Variants in NKAIN1 observed in about 807,000 individuals in gnomAD.
NKAIN1 encodes sodium/potassium-transporting ATPase subunit beta-1-interacting protein 1.
A neutral mutation model predicts 31.6 loss-of-function variants in NKAIN1; 13 were observed. That is an observed-to-expected ratio of 0.41 (90% CI 0.27 to 0.65). The LOEUF (loss-of-function observed/expected upper bound fraction) is 0.65. Ranked by LOEUF, NKAIN1 falls within the 30% of genes least tolerant of loss-of-function variation. The pLI, the probability that NKAIN1 is intolerant of heterozygous loss-of-function variation, is 0.30. For synonymous variants in NKAIN1, 104 were observed against 109.0 expected (o/e 0.95, Z 0.28); for missense variants, 193 against 262.2 (o/e 0.74, Z 1.82).
intron 1 of NKAIN1, among the ~76,000 whole-genome samples, chr1:31,212,656 T>C (rs1645479589): frequency 6.6e-6 from 1 of 151,486 alleles, no homozygotes; most frequent in East Asian, 2.0e-4. Flanking sequence ...CTGCCTGCCT[T>C]GGCCTCCCGA....
intron 2 of NKAIN1, 26 bp from the exon 3 acceptor site, chr1:31,185,353 G>A: frequency 1.9e-6 from 3 of 1,580,398 alleles, no homozygotes; most frequent in Non-Finnish European, 2.6e-6. Context: ...GTGGGATCAG[G>A]GTGGGGCCTG....
chr1:31,227,027 G>A (rs1645613483), intron 1 of NKAIN1, among the ~76,000 whole-genome samples: 1 of 152,136 alleles, frequency 6.6e-6, no homozygotes, highest in African/African-American at 2.4e-5. Context: ...ATTTCACCAT[G>A]TTGGCCAGGC....
rs1645187682 is a variant in NKAIN1 at position 31,180,310 on chromosome 1, A to G, written c.*1393T>C. The G allele has an allele frequency of 6.6e-6, 1 of 152,212 alleles. No individual in the cohort carries two copies. The highest frequency in any genetic ancestry group is 2.4e-5 in the African/African-American group (1 of 41,434). The allele number at this position is 152,212 out of a possible 1,614,324, so 9.4% of individuals were successfully genotyped here. A position where few individuals can be genotyped will look rare whatever the true frequency, so the allele number is the denominator to read the frequency against. Reference sequence around the variant, plus strand: ...TTCACAGATGAAATGCTGAGACCTGATCCTCTCTCTATGGACGCACCAGGC... The same window carrying G: ...TTCACAGATGAAATGCTGAGACCTGGTCCTCTCTCTATGGACGCACCAGGC... On this transcript the variant is annotated 3_prime_UTR_variant, in exon 7 of 7. Transcript: ENST00000373736.
chr1:31,209,181 C>T (rs1645447558), intron 1 of NKAIN1, among the ~76,000 whole-genome samples: 1 of 152,196 alleles, frequency 6.6e-6, no homozygotes, highest in African/African-American at 2.4e-5. Flanking sequence ...TCGTGACCAG[C>T]CTGACCAACA....
At chr1:31,221,655 C>T (rs1004260868) in intron 1 of NKAIN1, among the ~76,000 whole-genome samples, 4 of 152,028 alleles carry the variant, frequency 2.6e-5, no homozygotes, top group Non-Finnish European at 4.4e-5. Context: ...AAGATGGTCT[C>T]GATCTCTTGA....
intron 1 of NKAIN1, among the ~76,000 whole-genome samples, chr1:31,195,020 C>T (rs912864433): frequency 2.0e-5 from 3 of 151,800 alleles, no homozygotes; most frequent in Non-Finnish European, 4.4e-5. Context: ...AGCCACCCGC[C>T]GCAGCCTCCC....
chr1:31,208,656 GAT>G (rs2148358312), intron 1 of NKAIN1, among the ~76,000 whole-genome samples: 1 of 151,662 alleles, frequency 6.6e-6, no homozygotes, highest in African/African-American at 2.4e-5. Context: ...GGAAACCTCT[GAT>G]GTAAGTGCAC....
intron 1 of NKAIN1, among the ~76,000 whole-genome samples, chr1:31,216,292 C>T (rs1269115782): frequency 6.6e-6 from 1 of 152,068 alleles, no homozygotes; most frequent in Non-Finnish European, 1.5e-5. Flanking sequence ...GTTCTCACGG[C>T]CTAGTCTGAA....
At chr1:31,198,659 T>C (rs1401648752) in intron 1 of NKAIN1, among the ~76,000 whole-genome samples, 1 of 152,108 alleles carries the variant, frequency 6.6e-6, no homozygotes. Flanking sequence ...CTGGCCCTTC[T>C]GCTCTCCAGA....
At chr1:31,214,817 C>T (rs971062926) in intron 1 of NKAIN1, among the ~76,000 whole-genome samples, 15 of 152,172 alleles carry the variant, frequency 9.9e-5, no homozygotes, top group Admixed American at 5.9e-4. Context: ...CTGGAGAGGA[C>T]CCAGGTGGCT....
At chr1:31,232,080 A>AC (rs1645654005) in intron 1 of NKAIN1, among the ~76,000 whole-genome samples, 1 of 116,404 alleles carries the variant, frequency 8.6e-6, no homozygotes, top group Non-Finnish European at 1.8e-5. Context: ...TGCCCAGCTA[A>AC]GTTTTTACCT....
In NKAIN1 at chr1:31,237,401, C is replaced by T. The variant is rs190425472; in HGVS notation, c.54+2093G>A. ...AGTACCTGACACTTAGTCAAGGGCTCTCCAAAGCTAACCGTTATTATCGCC... is the reference window on the plus strand; with the variant it reads ...AGTACCTGACACTTAGTCAAGGGCTTTCCAAAGCTAACCGTTATTATCGCC... On this transcript the variant is annotated intron_variant, in intron 1 of 6. Transcript: ENST00000373736. Among the ~76,000 whole-genome samples the T allele has an allele frequency of 9.2e-5, 14 of 152,248 alleles. No individual in the cohort carries two copies. The East Asian group carries it at 1.4e-3, about 15-fold the overall frequency.
chr1:31,223,264 T>G (rs1424988275), intron 1 of NKAIN1, among the ~76,000 whole-genome samples: 2 of 150,170 alleles, frequency 1.3e-5, no homozygotes, highest in African/African-American at 4.9e-5. Context: ...TAATCCCAAA[T>G]GCTCGGGAGG....
At chr1:31,190,679 A>T (rs1436367069) in intron 1 of NKAIN1, among the ~76,000 whole-genome samples, 5 of 152,100 alleles carry the variant, frequency 3.3e-5, no homozygotes, top group Admixed American at 3.3e-4. Flanking sequence ...TCACTGGACT[A>T]GGTAATCTCC....
At chr1:31,225,033 C>CTTTTCTTTTTTTT (rs542671307) in intron 1 of NKAIN1, among the ~76,000 whole-genome samples, 5 of 112,132 alleles carry the variant, frequency 4.5e-5, no homozygotes, top group African/African-American at 2.1e-4. Context: ...CTTTTCTTTT[C>CTTTTCTTTTTTTT]TTTTTTTTTT....
At chr1:31,194,177 G>T (rs765607198) in intron 1 of NKAIN1, among the ~76,000 whole-genome samples, 1 of 152,022 alleles carries the variant, frequency 6.6e-6, no homozygotes, top group Admixed American at 6.6e-5. Flanking sequence ...TCTCATCCCA[G>T]CCACACAGAA....
intron 1 of NKAIN1, among the ~76,000 whole-genome samples, chr1:31,192,918 C>A (rs964786746): frequency 1.2e-4 from 18 of 151,178 alleles, no homozygotes; most frequent in Non-Finnish European, 2.1e-4. Context: ...GTAATCCCAA[C>A]ACTTTGGGAG....
chr1:31,225,927 G>A (rs1645600705), intron 1 of NKAIN1, among the ~76,000 whole-genome samples: 1 of 152,326 alleles, frequency 6.6e-6, no homozygotes, highest in African/African-American at 2.4e-5. Flanking sequence ...AGGAGCAAGG[G>A]CTCTGGACTC....
rs915587264 is a variant in NKAIN1 at position 31,180,937 on chromosome 1, C to T, written c.*766G>A. ...CACATAGGTCCAAGATGGAGGGGGG[C>T]TTGGAAATGGAACTCAGAGAGCAGA... is the stretch of plus-strand genomic sequence containing the variant. On this transcript the variant is annotated 3_prime_UTR_variant, in exon 7 of 7. Coordinates refer to ENST00000373736, the MANE Select transcript of NKAIN1 (RefSeq NM_024522.3). 2 of 152,094 alleles carry T rather than the reference C, an allele frequency of 1.3e-5. No homozygotes were observed. The highest frequency in any genetic ancestry group is 2.9e-5 in the Non-Finnish European group (2 of 68,038). The allele number at this position is 152,094 out of a possible 1,614,324, so 9.4% of individuals were successfully genotyped here.
Sources: allele counts gnomAD v4.1 joint callset (sites outside exome capture counted in the v4.1 genomes callset), GRCh38; gene constraint gnomAD v4.1.1; transcripts MANE v1.5; gene names NCBI Gene and HGNC (gene_info 2026-07-23, HGNC 2026-07-21).